UGT3A1: variants seen among roughly 807,000 people sequenced by gnomAD.
UGT3A1 encodes UDP glycosyltransferase family 3 member A1.
A neutral mutation model predicts 37.6 loss-of-function variants in UGT3A1; 40 were observed. That is an observed-to-expected ratio of 1.06 (90% confidence interval 0.83 to 1.38). The LOEUF is 1.38. Ranked by LOEUF, UGT3A1 falls within the 40% of genes most tolerant of loss-of-function variation. The probability of loss-of-function intolerance (pLI) is 0.00; values close to 1 mark genes in which losing one functional copy is unlikely to be tolerated. For synonymous variants in UGT3A1, 256 were observed against 232.3 expected, an observed-to-expected ratio of 1.10 and a Z score of -0.93; for missense variants, 642 against 634.2, an observed-to-expected ratio of 1.01 and a Z score of -0.13.
chr5:35,956,811 A>T (rs1036552923), intron 5 of UGT3A1, among the ~76,000 whole-genome samples: 1 of 152,196 alleles, frequency 6.6e-6, no homozygotes, highest in Non-Finnish European at 1.5e-5. Context: ...GCCACAGAAC[A>T]GGGGCAACAT....
Position 35,954,496 on chromosome 5 carries a change from G to A in UGT3A1, c.1296-18C>T, listed in dbSNP as rs201821654. 1.6e-5 allele frequency: 25 copies of A among 1,611,466 alleles called. No homozygotes were observed. The highest frequency in any genetic ancestry group is 2.1e-5 in the Non-Finnish European group (25 of 1,177,920). Reference sequence around the variant, plus strand: ...ACTTGTACCTGTTGGCGGAGACAGAGAGGGTGTGTTACTGACGTAGCCTCA... The same window carrying A: ...ACTTGTACCTGTTGGCGGAGACAGAAAGGGTGTGTTACTGACGTAGCCTCA... On this transcript the variant is annotated intron_variant, in intron 6 of 6. Transcript: ENST00000274278.
Position 35,965,518 on chromosome 5 carries a change from C to T in UGT3A1, c.711G>A (p.Leu237=). The T allele has an allele frequency of 1.2e-6, 2 of 1,614,214 alleles. No homozygotes were observed. Among genetic ancestry groups the T allele is most frequent in the Non-Finnish European group, 1.7e-6 (2 of 1,180,032 alleles). Residue 237 remains leucine (L), a synonymous_variant, in exon 4 of 7, where the codon TTG becomes TTA. Coordinates refer to ENST00000274278, the MANE Select transcript of UGT3A1 (RefSeq NM_152404.4). ...ACTCTGCTTTCAGTAGAAGATGAGA[C>T]AAAACTGGCCTAGAGCCTTCTGGGA... is the stretch of plus-strand genomic sequence containing the variant. ...EHFPEGSRPV[L]SHLLLKAELW... is the part of the protein sequence containing the mutation.
chr5:35,989,238 C>T (rs926828533), intron 1 of UGT3A1, among the ~76,000 whole-genome samples: 1 of 152,126 alleles, frequency 6.6e-6, no homozygotes, highest in Non-Finnish European at 1.5e-5. Flanking sequence ...CCTGGTTGCA[C>T]CAGAAACTAA....
At chr5:35,965,951 G>C in intron 3 of UGT3A1, 34 bp from the exon 4 acceptor site, 1 of 1,436,412 alleles carries the variant, frequency 7.0e-7, no homozygotes, top group Non-Finnish European at 9.2e-7. Context: ...AAATATTTGG[G>C]AAAGTGTAAT....
At chr5:35,994,367 G>GTGTT (rs1554075301), upstream of UGT3A1, among the ~76,000 whole-genome samples, 4 of 150,694 alleles carry the variant, frequency 2.7e-5, no homozygotes, top group Non-Finnish European at 5.9e-5. Flanking sequence ...GTGTGTGTGT[G>GTGTT]TGTGTGTTTC....
chr5:35,971,463 TA>T, intron 2 of UGT3A1, among the ~76,000 whole-genome samples: 1 of 147,892 alleles, frequency 6.8e-6, no homozygotes, highest in Middle Eastern at 3.4e-3. Context: ...GACACACGCA[TA>T]CACACACACA....
chr5:35,993,428 C>T (rs954001772), upstream of UGT3A1, among the ~76,000 whole-genome samples: 13 of 151,422 alleles, frequency 8.6e-5, no homozygotes, highest in Non-Finnish European at 1.3e-4. Context: ...CGCGCCACTG[C>T]ACTCAAGCCT....
intron 4 of UGT3A1, among the ~76,000 whole-genome samples, chr5:35,963,617 A>G (rs1174144247): frequency 1.3e-5 from 2 of 152,218 alleles, no homozygotes; most frequent in Non-Finnish European, 2.9e-5. Context: ...CTCTGTGCAA[A>G]TAGGTTCCTT....
chr5:35,957,272 A>G lies in UGT3A1; in HGVS notation c.991T>C (p.Cys331Arg), dbSNP rs1190723362. The G allele has an allele frequency of 1.2e-6, 2 of 1,614,132 alleles. No individual in the cohort carries two copies. Among genetic ancestry groups the G allele is most frequent in the East Asian group, 2.2e-5 (1 of 44,870 alleles). ...TCTCTGGGCCAATGAGAACTCTGAC[A>G]TGTCCATATCACTCCTTGAGGGAGG... ...AHLPQGVIWT[C>R]QSSHWPRDVH... is the part of the protein sequence containing the mutation. The change falls in exon 5 of 7, where the codon TGT becomes CGT. Residue 331 changes from cysteine (C) to arginine (R), a missense_variant. Physicochemically the swap from Cys to Arg is radical, Grantham distance 180 (BLOSUM62 -3). Coordinates refer to ENST00000274278, the MANE Select transcript of UGT3A1 (RefSeq NM_152404.4).
intron 1 of UGT3A1, among the ~76,000 whole-genome samples, chr5:35,999,034 A>AG (rs1230316162): frequency 6.6e-6 from 1 of 152,084 alleles, no homozygotes; most frequent in Non-Finnish European, 1.5e-5. Context: ...CAGGAGATTG[A>AG]GACCACCCCG....
At chr5:35,991,550 T>C, upstream of UGT3A1, 1 of 1,116,266 alleles carries the variant, frequency 9.0e-7, no homozygotes, top group Non-Finnish European at 1.1e-6. Flanking sequence ...ATCTGGAAAA[T>C]CCTTACTAAG....
At chr5:35,984,296 T>G (rs184438577) in intron 2 of UGT3A1, among the ~76,000 whole-genome samples, 1 of 152,248 alleles carries the variant, frequency 6.6e-6, no homozygotes, top group East Asian at 1.9e-4. Flanking sequence ...GAAATTCCAT[T>G]TATATGGCTT....
chr5:35,984,020 T>G (rs555083736), intron 2 of UGT3A1, among the ~76,000 whole-genome samples: 1 of 152,266 alleles, frequency 6.6e-6, no homozygotes, highest in Admixed American at 6.5e-5. Context: ...TTTCACTACT[T>G]TTATTCAACA....
chr5:35,964,389 TGTTAGG>T (rs1320488458), intron 4 of UGT3A1, among the ~76,000 whole-genome samples: 1 of 152,094 alleles, frequency 6.6e-6, no homozygotes, highest in Non-Finnish European at 1.5e-5. Flanking sequence ...CACCTCCACA[TGTTAGG>T]TCCCCCGCTC....
chr5:35,974,450 AC>A (rs987521528), intron 2 of UGT3A1, among the ~76,000 whole-genome samples: 1 of 152,166 alleles, frequency 6.6e-6, no homozygotes, highest in African/African-American at 2.4e-5. Flanking sequence ...AAAACAGAAA[AC>A]CAAAGCAATA....
chr5:35,967,859 C>A (rs914453766), intron 3 of UGT3A1, among the ~76,000 whole-genome samples, 160 bp downstream of exon 3: 3 of 152,176 alleles, frequency 2.0e-5, no homozygotes, highest in African/African-American at 7.2e-5. Context: ...AACTGTCCAT[C>A]CATCTATCCA....
Position 35,962,555 on chromosome 5 carries a change from C to T in UGT3A1, c.843+2831G>A, listed in dbSNP as rs112661210. 913 of 208,288 alleles carry T rather than the reference C, an allele frequency of 4.4e-3. 6 individuals are homozygous for T. The highest frequency in any genetic ancestry group is 0.019 in the African/African-American group (851 of 43,726). The allele number at this position is 208,288 out of a possible 1,614,324, so 12.9% of individuals were successfully genotyped here. A position where few individuals can be genotyped will look rare whatever the true frequency, so the allele number is the denominator to read the frequency against. ...GTTCCCTGGAATTGCCCTTTGCAGC[C>T]TCTCCTGAAATGACAAAGCAGGAGG... is the stretch of plus-strand genomic sequence containing the variant. On this transcript the variant is annotated intron_variant, in intron 4 of 6. Coordinates refer to ENST00000274278, the MANE Select transcript of UGT3A1 (RefSeq NM_152404.4).
At chr5:35,956,490 T>C (rs532356105) in intron 5 of UGT3A1, among the ~76,000 whole-genome samples, 3 of 152,378 alleles carry the variant, frequency 2.0e-5, no homozygotes, top group Admixed American at 2.0e-4. Context: ...TTTACCAAGC[T>C]GACTTTGAGC....
At chr5:35,973,338 C>T (rs1249930946) in intron 2 of UGT3A1, among the ~76,000 whole-genome samples, 1 of 152,038 alleles carries the variant, frequency 6.6e-6, no homozygotes, top group Non-Finnish European at 1.5e-5. Context: ...TGACAAAAAT[C>T]TGGGGTACAT....
Sources: gnomAD v4.1 joint callset for allele counts (sites outside exome capture counted in the v4.1 genomes callset) on GRCh38, gnomAD v4.1.1 for gene constraint, MANE v1.5 for transcripts, NCBI Gene and HGNC (gene_info 2026-07-23, HGNC 2026-07-21) for gene names.